GRM4: variants seen among roughly 807,000 people sequenced by gnomAD.
GRM4 encodes the protein metabotropic glutamate receptor 4.
Under a neutral mutation model 81.7 loss-of-function variants are expected in GRM4, and 28 were observed. The observed-to-expected ratio is 0.34, with a 90% CI of 0.25 to 0.47. GRM4 has a LOEUF of 0.47. Ranked by LOEUF, GRM4 falls within the 20% of genes least tolerant of loss-of-function variation. GRM4 has a pLI of 1.00. For synonymous variants in GRM4, 488 were observed against 528.8 expected, an observed-to-expected ratio of 0.92 and a Z score of 1.06; for missense variants, 948 against 1,290.0, an observed-to-expected ratio of 0.73 and a Z score of 4.06.
Position 34,107,494 on chromosome 6 carries a change from T to C in GRM4, c.520-15395A>G, listed in dbSNP as rs566025717. On this transcript the variant is annotated intron_variant, in intron 2 of 10. Coordinates refer to ENST00000538487, the MANE Select transcript of GRM4 (RefSeq NM_000841.4). ...GACCCACACACGAATACACACAAAA[T>C]CGTGATGACCGAGAGGCGATGGGGA... Among the ~76,000 whole-genome samples, 15 of 151,814 alleles carry C rather than the reference T, an allele frequency of 9.9e-5. No individual in the cohort carries two copies. The South Asian group carries it at 3.1e-3, about 32-fold the overall frequency.
intron 1 of GRM4, among the ~76,000 whole-genome samples, chr6:34,139,759 GC>G (rs1402854890): frequency 6.6e-6 from 1 of 152,234 alleles, no homozygotes; most frequent in African/African-American, 2.4e-5. Flanking sequence ...GCAGCAGTGC[GC>G]CCGGTCCAGA....
chr6:34,115,731 C>T lies in GRM4; in HGVS notation c.519+17247G>A, dbSNP rs1397946951. On this transcript the variant is annotated intron_variant, in intron 2 of 10. Transcript: ENST00000538487. This position sits in a 1 kb window ranked among gnomAD's most constrained non-coding sequence, Gnocchi z 4.1. ...CAGCCCTCCCTAAATAACTGTGCAG[C>T]GCGAGGCTGGAGGAGGAGTTCGAGG... Among the ~76,000 whole-genome samples, 1 of 152,194 alleles carries T rather than the reference C, an allele frequency of 6.6e-6. No individual in the cohort carries two copies. Among genetic ancestry groups the T allele is most frequent in the African/African-American group, 2.4e-5 (1 of 41,444 alleles).
rs1477223614 is a variant in GRM4 at position 34,074,345 on chromosome 6, A to G, written c.737-12317T>C. 6.6e-6 allele frequency among the ~76,000 whole-genome samples: 1 copy of G among 152,152 alleles called. No individual in the cohort carries two copies. The highest frequency in any genetic ancestry group is 1.5e-5 in the Non-Finnish European group (1 of 68,008). On this transcript the variant is annotated intron_variant, in intron 3 of 10. Coordinates refer to ENST00000538487, the MANE Select transcript of GRM4 (RefSeq NM_000841.4). The surrounding 1 kb of genome is among the most constrained non-coding windows in gnomAD (Gnocchi z 4.9). The stretch of plus-strand genomic sequence containing the variant: ...ATAGCAGGGTTGCGGTGAGGATTAG[A>G]GCGGATTGCCCGTGGACAGGGTCAG...
intron 3 of GRM4, among the ~76,000 whole-genome samples, chr6:34,079,150 A>C (rs908193701): frequency 6.6e-6 from 1 of 152,220 alleles, no homozygotes; most frequent in Non-Finnish European, 1.5e-5. Flanking sequence ...ATCCATGGAC[A>C]CAAGGCAAGT....
chr6:34,133,109 C>A lies in GRM4; in HGVS notation c.388G>T (p.Asp130Tyr). 6.2e-7 allele frequency: 1 copy of A among 1,614,052 alleles called. No homozygotes were observed. Among genetic ancestry groups the A allele is most frequent in the South Asian group, 1.1e-5 (1 of 91,072 alleles). Residue 130 changes from aspartate to tyrosine, a missense_variant, in exon 2 of 11, where the codon GAT becomes TAT. By Grantham distance (160) the Asp-to-Tyr change is radical (BLOSUM62 -3). Transcript: ENST00000538487. This position sits in a 1 kb window ranked among gnomAD's most constrained non-coding sequence, Gnocchi z 6.5. ...LTFVQALIEK[D>Y]GTEVRCGSGG... ...CTGCCACAGCGGACCTCTGTGCCAT[C>A]CTTCTCGATGAGCGCCTGCACAAAG...
intron 1 of GRM4, among the ~76,000 whole-genome samples, chr6:34,138,252 C>T (rs1016825047): frequency 2.6e-5 from 4 of 152,154 alleles, no homozygotes; most frequent in African/African-American, 9.7e-5. Flanking sequence ...CAGGCCCGAG[C>T]CCCTTGGGGT....
At chr6:34,062,189 T>A in intron 3 of GRM4, 161 bp from the exon 4 acceptor site, 1 of 653,078 alleles carries the variant, frequency 1.5e-6, no homozygotes, top group Non-Finnish European at 2.5e-6. Flanking sequence ...GGCTGTGCAG[T>A]CAGGACAGCT....
At chr6:34,024,358 T>C (rs368990914) in intron 10 of GRM4, 256 of 255,412 alleles carry the variant, frequency 1.0e-3, no homozygotes, top group African/African-American at 5.3e-3. Flanking sequence ...TCATCTAGCC[T>C]CAATCTTCAG....
chr6:34,031,285 C>T (rs1220353979), intron 9 of GRM4, among the ~76,000 whole-genome samples: 4 of 152,156 alleles, frequency 2.6e-5, no homozygotes, highest in Non-Finnish European at 5.9e-5. Flanking sequence ...GTGGATGGGC[C>T]CTCACTGCAC....
In GRM4 at chr6:34,074,724, C is replaced by T. The variant is rs1323677620; in HGVS notation, c.737-12696G>A. 1.3e-5 allele frequency among the ~76,000 whole-genome samples: 2 copies of T among 152,232 alleles called. No homozygotes were observed. The highest frequency in any genetic ancestry group is 2.9e-5 in the Non-Finnish European group (2 of 68,042). On this transcript the variant is annotated intron_variant, in intron 3 of 10. Transcript: ENST00000538487. The surrounding 1 kb of genome is among the most constrained non-coding windows in gnomAD (Gnocchi z 4.9). ...GACTTAATATCTCAACACAAACCCA[C>T]TTAGGCAAAACACCTTTGAAGCGAG...
At position 34,031,410 on chromosome 6, in the gene GRM4, G is replaced by A. The variant is rs536536791; in HGVS notation, c.2443-3044C>T. 4.6e-5 allele frequency among the ~76,000 whole-genome samples: 7 copies of A among 152,318 alleles called. No individual in the cohort carries two copies. In the South Asian group the frequency reaches 1.5e-3, roughly 32 times the overall value. On this transcript the variant is annotated intron_variant, in intron 9 of 10. Transcript: ENST00000538487. ...GAGGACAGAGGACACCTGGGGTGAG[G>A]ATAGGGCACAGGAAGGAGCAGCTGT...
rs1202809522 is a variant in GRM4 at position 34,092,352 on chromosome 6, C to G, written c.520-253G>C. Among the ~76,000 whole-genome samples the G allele has an allele frequency of 6.6e-6, 1 of 152,166 alleles. No homozygotes were observed. Among genetic ancestry groups the G allele is most frequent in the Non-Finnish European group, 1.5e-5 (1 of 68,016 alleles). ...ATACATACACCACACACACATACAC[C>G]CTGGGAGCCTCTGGCTGCCTAAATT... On this transcript the variant is annotated intron_variant, in intron 2 of 10. Coordinates refer to ENST00000538487, the MANE Select transcript of GRM4 (RefSeq NM_000841.4). The surrounding 1 kb of genome is among the most constrained non-coding windows in gnomAD (Gnocchi z 6.8).
chr6:34,141,872 G>A (rs376222109), intron 1 of GRM4, among the ~76,000 whole-genome samples: 1 of 152,182 alleles, frequency 6.6e-6, no homozygotes, highest in Non-Finnish European at 1.5e-5. Flanking sequence ...TAGTTGTGAA[G>A]GAGGAACTAC....
chr6:34,053,512 C>T (rs1765711142), intron 6 of GRM4, among the ~76,000 whole-genome samples: 1 of 152,244 alleles, frequency 6.6e-6, no homozygotes, highest in Non-Finnish European at 1.5e-5. Context: ...TCTGACCTGT[C>T]TCTGCTGGGG....
At chr6:34,031,358 A>C (rs180827716) in intron 9 of GRM4, among the ~76,000 whole-genome samples, 1 of 152,252 alleles carries the variant, frequency 6.6e-6, no homozygotes, top group African/African-American at 2.4e-5. Flanking sequence ...ATGGTGAAGG[A>C]GCTTGTCTGA....
intron 9 of GRM4, among the ~76,000 whole-genome samples, chr6:34,028,567 G>A (rs1178492175): frequency 1.3e-5 from 2 of 152,236 alleles, no homozygotes; most frequent in Non-Finnish European, 2.9e-5. Context: ...TATTAGACAC[G>A]TCACATCCTT....
rs1357362307 is a variant in GRM4 at position 34,152,693 on chromosome 6, A to G, written c.312+2386T>C. On this transcript the variant is annotated intron_variant, in intron 1 of 8. Coordinates refer to the GRM4 transcript ENST00000374177. The surrounding 1 kb of genome is among the most constrained non-coding windows in gnomAD (Gnocchi z 4.1). ...CTGCATTTTAATGGCGTTTGATTGG[A>G]TCCGATGCGCTTTTAATTCCCTCCT... 6.6e-6 allele frequency among the ~76,000 whole-genome samples: 1 copy of G among 152,190 alleles called. No individual in the cohort carries two copies. Among genetic ancestry groups the G allele is most frequent in the African/African-American group, 2.4e-5 (1 of 41,438 alleles).
rs140904979 is a variant in GRM4 at position 34,133,329 on chromosome 6, C to T, written c.168G>A (p.Pro56=). 417 of 1,613,960 alleles carry T rather than the reference C, an allele frequency of 2.6e-4. No individual in the cohort carries two copies. Among genetic ancestry groups the T allele is most frequent in the Non-Finnish European group, 3.4e-4 (405 of 1,180,016 alleles). The change falls in exon 2 of 11, where the codon CCG becomes CCA. Residue 56 remains proline (P), a synonymous_variant. Transcript: ENST00000538487. This position sits in a 1 kb window ranked among gnomAD's most constrained non-coding sequence, Gnocchi z 6.5. ...TGCCCTCTGAGCCCCGGCCATGCAC[C>T]GGGAACAGGCCTCCCAGTGTGATGT... ...DGDITLGGLF[P]VHGRGSEGKP...
At chr6:34,122,232 C>T (rs1769839992) in intron 2 of GRM4, among the ~76,000 whole-genome samples, 1 of 151,882 alleles carries the variant, frequency 6.6e-6, no homozygotes, top group Non-Finnish European at 1.5e-5. Flanking sequence ...TGTGGGACAA[C>T]AAGGCGTCCA....
Sources: gnomAD v4.1 joint callset for allele counts (sites outside exome capture counted in the v4.1 genomes callset) on GRCh38, gnomAD v4.1.1 for gene constraint, Gnocchi (gnomAD v3.1) non-coding constraint, MANE v1.5 for transcripts, NCBI Gene and HGNC (gene_info 2026-07-23, HGNC 2026-07-21) for gene names.